Variants in CEACAM20 observed in about 807,000 individuals in gnomAD.
The protein encoded by CEACAM20 is cell adhesion molecule CEACAM20.
Under a neutral mutation model 61.2 loss-of-function variants are expected in CEACAM20, and 50 were observed. That is an observed-to-expected ratio of 0.82 (90% CI 0.65 to 1.03). The LOEUF is 1.03. CEACAM20 is among the 50% of genes least tolerant of loss of function. The pLI, the probability that CEACAM20 is intolerant of heterozygous loss-of-function variation, is 0.00. For synonymous variants in CEACAM20, 282 were observed against 287.7 expected, an observed-to-expected ratio of 0.98 and a Z score of 0.20; for missense variants, 683 against 736.4, an observed-to-expected ratio of 0.93 and a Z score of 0.84.
intron 11 of CEACAM20, among the ~76,000 whole-genome samples, chr19:44,507,870 G>T (rs1395273177): frequency 6.6e-6 from 1 of 152,150 alleles, no homozygotes; most frequent in Admixed American, 6.5e-5. Context: ...CACACAACCT[G>T]GGTGAAAGAG....
In CEACAM20 at chr19:44,510,588, GAAAGAAAGAAAGAAAGAAAGAA is replaced by G. The variant is rs1434132607; in HGVS notation, c.1737+420_1737+441del. On this transcript the variant is annotated intron_variant, in intron 11 of 11. Transcript: ENST00000614924. ...AGAAAGAAAGAAAGAAAGAAAGAAA[GAAAGAAAGAAAGAAAGAAAGAA>G]AAAGGAAGGAAGGAAGAAAGAAAGA... Among the ~76,000 whole-genome samples, 270 of 48,784 alleles carry G rather than the reference GAAAGAAAGAAAGAAAGAAAGAA, an allele frequency of 5.5e-3. 5 individuals are homozygous for G. The highest frequency in any genetic ancestry group is 0.023 in the East Asian group (21 of 896). The allele number at this position is 48,784 out of a possible 152,430, so 32.0% of individuals were successfully genotyped here. A position where few individuals can be genotyped will look rare whatever the true frequency, so the allele number is the denominator to read the frequency against.
intron 4 of CEACAM20, among the ~76,000 whole-genome samples, chr19:44,522,085 T>C (rs1326691226): frequency 6.6e-6 from 1 of 152,010 alleles, no homozygotes; most frequent in Non-Finnish European, 1.5e-5. Context: ...TCTGGGGTAT[T>C]GGTGTAGCTC....
In CEACAM20 at chr19:44,520,634, A is replaced by C. The variant is rs377659033; in HGVS notation, c.870T>G (p.Ser290Arg). 3.1e-6 allele frequency: 5 copies of C among 1,613,876 alleles called. No individual in the cohort carries two copies. In the African/African-American group the frequency reaches 6.7e-5, roughly 22 times the overall value. ...NQSVNVQWFL[S>R]GQPLLPSEHL... ...GCTCACTGGGCAGGAGGGGCTGGCC[A>C]CTTAGGAACCACTGGACATTCACAC... is the stretch of plus-strand genomic sequence containing the variant. Residue 290 changes from serine to arginine, a missense_variant, in exon 5 of 12, where the codon AGT becomes AGG. Transcript: ENST00000614924.
Position 44,517,039 on chromosome 19 carries a change from G to C in CEACAM20, c.1216C>G (p.Leu406Val), listed in dbSNP as rs1348174907. The C allele has an allele frequency of 6.2e-7, 1 of 1,601,462 alleles. No individual in the cohort carries two copies. Among genetic ancestry groups the C allele is most frequent in the Non-Finnish European group, 8.5e-7 (1 of 1,174,290 alleles). Reference protein sequence around the residue: ...HLGEQLIIRALTWEHDGIYNC... With the variant: ...HLGEQLIIRAVTWEHDGIYNC... The stretch of plus-strand genomic sequence containing the variant: ...TAGATCCCGTCGTGTTCCCAGGTCA[G>C]AGCCCTGATAATCAGCTGCTCACCC... Residue 406 changes from leucine (L) to valine (V), a missense_variant, in exon 6 of 12, where the codon CTG becomes GTG. By Grantham distance (32) the Leu-to-Val change is conservative. Coordinates refer to ENST00000614924, the MANE Select transcript of CEACAM20 (RefSeq NM_001102597.3).
chr19:44,512,027 C>A lies in CEACAM20; in HGVS notation c.1565G>T (p.Arg522Ile). ...TGCAGCATCACTCACCAGTTCGACTCTGATCCGTCCCTGAAGCTGGGATAT... is the reference window on the plus strand; with the variant it reads ...TGCAGCATCACTCACCAGTTCGACTATGATCCGTCCCTGAAGCTGGGATAT... ...RNISQLQGRI[R>I]VELMQPPDLP... Residue 522 changes from arginine to isoleucine, a missense_variant, in exon 9 of 12, where the codon AGA becomes ATA. Arg to Ile is a moderately conservative substitution (Grantham distance 97). Transcript: ENST00000614924. 6.2e-7 allele frequency: 1 copy of A among 1,609,292 alleles called. No homozygotes were observed. The highest frequency in any genetic ancestry group is 8.5e-7 in the Non-Finnish European group (1 of 1,177,942).
chr19:44,521,326 A>T (rs1455737957), intron 4 of CEACAM20, among the ~76,000 whole-genome samples: 1 of 151,908 alleles, frequency 6.6e-6, no homozygotes, highest in Non-Finnish European at 1.5e-5. Flanking sequence ...GTGATGTTTA[A>T]TGGTTGTAAT....
chr19:44,511,079 G>T lies in CEACAM20; in HGVS notation c.1688C>A (p.Pro563Gln), dbSNP rs1248725290. The change falls in exon 11 of 12, where the codon CCA (proline) becomes CAA (glutamine). Residue 563 changes from proline to glutamine, a missense_variant. By Grantham distance (76) the Pro-to-Gln change is moderately conservative. Transcript: ENST00000614924. ...TGGCACAGTGGAGACCAATCTGAGT[G>T]GGGGCATCAGAGGTTTGGGTGGTGG... ...WKPPPKPLMP[P>Q]LRLVSTVPKN... 3 of 1,613,964 alleles carry T rather than the reference G, an allele frequency of 1.9e-6. No individual in the cohort carries two copies. Among genetic ancestry groups the T allele is most frequent in the Admixed American group, 3.3e-5 (2 of 60,030 alleles).
intron 1 of CEACAM20, 32 bp downstream of exon 1, chr19:44,529,426 C>T: frequency 1.9e-6 from 3 of 1,605,234 alleles, no homozygotes. Context: ...CAACCTCCCT[C>T]CTCCCGCATC....
chr19:44,518,371 C>A (rs1316267515), intron 5 of CEACAM20, among the ~76,000 whole-genome samples: 1 of 152,086 alleles, frequency 6.6e-6, no homozygotes, highest in Non-Finnish European at 1.5e-5. Flanking sequence ...CAGAGGGGAT[C>A]ATTGTCACTT....
chr19:44,513,435 T>C (rs1397513736), intron 6 of CEACAM20, 146 bp from the exon 7 acceptor site: 3 of 561,646 alleles, frequency 5.3e-6, no homozygotes, highest in Non-Finnish European at 9.3e-6. Flanking sequence ...TTGTGGTTTT[T>C]GGTTTTGCTT....
chr19:44,518,103 AAAGGAAGGAAGG>A (rs761841554), intron 5 of CEACAM20, among the ~76,000 whole-genome samples: 59 of 42,890 alleles, frequency 1.4e-3, no homozygotes, highest in African/African-American at 1.3e-3. Flanking sequence ...AGAAAGAAAG[AAAGGAAGGAAGG>A]AAGGAAGGAA....
chr19:44,525,364 C>T, intron 1 of CEACAM20, 120 bp from the exon 2 acceptor site: 2 of 892,246 alleles, frequency 2.2e-6, no homozygotes, highest in Middle Eastern at 2.7e-4. Flanking sequence ...CCCACAGAGA[C>T]CTGAGTCCTA....
rs767634070 is a variant in CEACAM20, at chr19:44,517,021, C to A, written c.1234G>T (p.Gly412Trp). ...TTGGAGGCTGTGCAGTTGTAGATCCCGTCGTGTTCCCAGGTCAGAGCCCTG... is the reference window on the plus strand; with the variant it reads ...TTGGAGGCTGTGCAGTTGTAGATCCAGTCGTGTTCCCAGGTCAGAGCCCTG... ...IIRALTWEHD[G>W]IYNCTASNSL... The change falls in exon 6 of 12, where the codon GGG becomes TGG. Residue 412 changes from glycine (G) to tryptophan (W), a missense_variant. By Grantham distance (184) the Gly-to-Trp change is radical. Coordinates refer to ENST00000614924, the MANE Select transcript of CEACAM20 (RefSeq NM_001102597.3). 1 of 1,596,820 alleles carries A rather than the reference C, an allele frequency of 6.3e-7. No homozygotes were observed. Among genetic ancestry groups the A allele is most frequent in the Non-Finnish European group, 8.5e-7 (1 of 1,172,018 alleles).
chr19:44,512,448 C>T (rs16979210), intron 8 of CEACAM20, among the ~76,000 whole-genome samples: 3,529 of 152,248 alleles, frequency 0.023, 149 homozygotes, highest in African/African-American at 0.08. Context: ...GAATCCCAGA[C>T]CCAGAGATGG....
At chr19:44,523,625 C>T (rs137952952) in intron 3 of CEACAM20, among the ~76,000 whole-genome samples, 5 of 151,984 alleles carry the variant, frequency 3.3e-5, no homozygotes, top group Admixed American at 1.3e-4. Flanking sequence ...GTATGTTGCC[C>T]TGACTGGTTT....
intron 6 of CEACAM20, among the ~76,000 whole-genome samples, chr19:44,513,916 A>G (rs1482292381): frequency 6.6e-6 from 1 of 151,536 alleles, no homozygotes; most frequent in Non-Finnish European, 1.5e-5. Flanking sequence ...ACATACATGT[A>G]TTCATTTTCT....
chr19:44,517,370 G>A, intron 5 of CEACAM20, 146 bp from the exon 6 acceptor site: 2 of 1,042,178 alleles, frequency 1.9e-6, no homozygotes, highest in Non-Finnish European at 2.8e-6. Context: ...GCAGAGTGTG[G>A]TCCACAACAC....
Position 44,529,655 on chromosome 19 carries a change from A to G in CEACAM20, c.-146T>C, listed in dbSNP as rs1971654687. ...ACAAACTCACACACACACTGCAGTAACTGCAGCTCCCAGGACAGACAGGGG... is the reference window on the plus strand; with the variant it reads ...ACAAACTCACACACACACTGCAGTAGCTGCAGCTCCCAGGACAGACAGGGG... On this transcript the variant is annotated 5_prime_UTR_variant, in exon 1 of 12. Coordinates refer to ENST00000614924, the MANE Select transcript of CEACAM20 (RefSeq NM_001102597.3). The G allele has an allele frequency of 1.5e-5, 10 of 650,944 alleles. No homozygotes were observed. The East Asian group carries it at 2.8e-4, about 18-fold the overall frequency. The allele number at this position is 650,944 out of a possible 1,614,324, so 40.3% of individuals were successfully genotyped here.
chr19:44,526,669 G>C (rs1487541294), intron 1 of CEACAM20, among the ~76,000 whole-genome samples: 1 of 152,024 alleles, frequency 6.6e-6, no homozygotes, highest in Non-Finnish European at 1.5e-5. Context: ...TTGAGGACAA[G>C]AGTTCGAGAC....
Sources: gnomAD v4.1 joint callset for allele counts (sites outside exome capture counted in the v4.1 genomes callset) on GRCh38, gnomAD v4.1.1 for gene constraint, MANE v1.5 for transcripts, NCBI Gene and HGNC (gene_info 2026-07-23, HGNC 2026-07-21) for gene names.